The following ANO4 variants were observed in gnomAD, a reference collection of about 807,000 sequenced individuals.
ANO4 encodes anoctamin-4.
Under a neutral mutation model 141.9 loss-of-function variants are expected in ANO4, and 69 were observed. The ratio of observed to expected loss-of-function variants is 0.49; its 90% CI spans 0.40 to 0.59. ANO4 has a LOEUF of 0.59. ANO4 is among the 20% of genes least tolerant of loss of function. The pLI is 0.00. For synonymous variants in ANO4, 350 were observed against 394.3 expected, an observed-to-expected ratio of 0.89 and a Z score of 1.33; for missense variants, 894 against 1,162.2, an observed-to-expected ratio of 0.77 and a Z score of 3.36.
intron 3 of ANO4, among the ~76,000 whole-genome samples, chr12:100,748,141 A>G (rs895448318): frequency 2.2e-4 from 33 of 152,134 alleles, no homozygotes; most frequent in African/African-American, 4.6e-4. Flanking sequence ...TAGGTGCCCA[A>G]TGTTATGTTG....
chr12:101,003,838 T>A (rs1184490897), intron 8 of ANO4, among the ~76,000 whole-genome samples: 1 of 152,130 alleles, frequency 6.6e-6, no homozygotes. Context: ...ACCTAGCATA[T>A]TTTTAGAAAA....
intron 5 of ANO4, among the ~76,000 whole-genome samples, chr12:100,951,240 G>A (rs1482376720): frequency 6.6e-6 from 1 of 152,208 alleles, no homozygotes; most frequent in Non-Finnish European, 1.5e-5. Context: ...CTGCTGGTGG[G>A]AGTGTCAGTT....
chr12:100,771,123 G>T (rs965131002), intron 3 of ANO4, among the ~76,000 whole-genome samples: 6 of 152,110 alleles, frequency 3.9e-5, no homozygotes, highest in Non-Finnish European at 8.8e-5. Context: ...GAAGAGGAAC[G>T]GGTTAAATTG....
chr12:101,029,127 A>G (rs944753660), intron 9 of ANO4, among the ~76,000 whole-genome samples: 1 of 152,212 alleles, frequency 6.6e-6, no homozygotes, highest in African/African-American at 2.4e-5. Flanking sequence ...AGACAAGCAA[A>G]TGCTGAGGGA....
chr12:100,843,401 C>T (rs1028620327), intron 1 of ANO4, among the ~76,000 whole-genome samples: 1 of 152,108 alleles, frequency 6.6e-6, no homozygotes, highest in African/African-American at 2.4e-5. Flanking sequence ...TATTTCTAAT[C>T]TATACTCAGA....
At chr12:100,854,219 A>AT (rs1175262922) in intron 1 of ANO4, among the ~76,000 whole-genome samples, 1 of 152,098 alleles carries the variant, frequency 6.6e-6, no homozygotes, top group Admixed American at 6.5e-5. Flanking sequence ...CTTAGGAGAT[A>AT]TTTTTTCATC....
Position 100,948,013 on chromosome 12 carries a change from C to G in ANO4, c.456+5478C>G, listed in dbSNP as rs1327783920. On this transcript the variant is annotated intron_variant, in intron 5 of 27. Coordinates refer to ENST00000392977, the MANE Select transcript of ANO4 (RefSeq NM_001286615.2). ...CCTGGCTAACATGGTGAAACCCTGT[C>G]TTTACTAAAAATACAACAACAACAA... is the stretch of plus-strand genomic sequence containing the variant. Among the ~76,000 whole-genome samples, 6 of 152,038 alleles carry G rather than the reference C, an allele frequency of 3.9e-5. No homozygotes were observed. The East Asian group carries it at 1.2e-3, about 29-fold the overall frequency.
chr12:101,110,366 C>T (rs199559470), intron 22 of ANO4, 38 bp from the exon 23 acceptor site: 15 of 1,554,474 alleles, frequency 9.6e-6, no homozygotes, highest in East Asian at 2.3e-5. Context: ...TAATGGAAAA[C>T]CAATACTCTC....
chr12:100,955,480 C>A (rs1463068266), intron 5 of ANO4, among the ~76,000 whole-genome samples: 1 of 152,148 alleles, frequency 6.6e-6, no homozygotes, highest in African/African-American at 2.4e-5. Context: ...TACGACCTAG[C>A]CCTAGAAGCA....
chr12:101,105,492 ATGGT>A (rs908828886), intron 22 of ANO4, among the ~76,000 whole-genome samples: 2 of 152,230 alleles, frequency 1.3e-5, no homozygotes, highest in African/African-American at 2.4e-5. Flanking sequence ...AGAAAATCAG[ATGGT>A]TGGTCAAATT....
At chr12:100,845,928 A>T (rs1284745158) in intron 1 of ANO4, among the ~76,000 whole-genome samples, 8 of 152,204 alleles carry the variant, frequency 5.3e-5, no homozygotes, top group Non-Finnish European at 1.2e-4. Context: ...GAAGGAAAGA[A>T]CCTAGGACCT....
intron 1 of ANO4, among the ~76,000 whole-genome samples, chr12:100,723,141 G>A (rs1167518881): frequency 6.6e-6 from 1 of 152,130 alleles, no homozygotes; most frequent in Non-Finnish European, 1.5e-5. Flanking sequence ...AAATTTCTTT[G>A]TGGGGTAAAA....
upstream of ANO4, among the ~76,000 whole-genome samples, chr12:100,792,740 G>A (rs936642933): frequency 2.0e-5 from 3 of 152,204 alleles, no homozygotes; most frequent in African/African-American, 7.2e-5. Context: ...TTATAATGCT[G>A]TGTATTCAAG....
At chr12:100,958,965 T>C (rs1352482517) in intron 5 of ANO4, among the ~76,000 whole-genome samples, 1 of 152,216 alleles carries the variant, frequency 6.6e-6, no homozygotes, top group East Asian at 1.9e-4. Flanking sequence ...AAATAGGGTG[T>C]TGGGTGGGGG....
chr12:101,051,622 C>A (rs2047875422), intron 14 of ANO4, among the ~76,000 whole-genome samples: 1 of 152,188 alleles, frequency 6.6e-6, no homozygotes, highest in Non-Finnish European at 1.5e-5. Context: ...GTACTAAATG[C>A]AGTCCTAAGC....
At chr12:100,902,786 T>C (rs2040655990) in intron 2 of ANO4, among the ~76,000 whole-genome samples, 2 of 152,346 alleles carry the variant, frequency 1.3e-5, no homozygotes, top group South Asian at 4.1e-4. Context: ...TCTTTATGCA[T>C]CATTCCCCAC....
intron 1 of ANO4, among the ~76,000 whole-genome samples, chr12:100,885,023 C>T (rs756436299): frequency 2.1e-4 from 32 of 152,212 alleles, no homozygotes; most frequent in Non-Finnish European, 4.4e-4. Flanking sequence ...CCTAGGGCTG[C>T]CACATCCCTA....
At chr12:101,107,308 T>C (rs2050487811) in intron 22 of ANO4, among the ~76,000 whole-genome samples, 1 of 152,120 alleles carries the variant, frequency 6.6e-6, no homozygotes, top group African/African-American at 2.4e-5. Context: ...ACCCCTGTAG[T>C]GAGTATGTAG....
At chr12:100,992,713 GT>G (rs1048532548) in intron 8 of ANO4, among the ~76,000 whole-genome samples, 1 of 152,152 alleles carries the variant, frequency 6.6e-6, no homozygotes, top group African/African-American at 2.4e-5. Context: ...GGCCATATCT[GT>G]TTTTGCCCAT....
Sources: gnomAD v4.1 joint callset for allele counts (sites outside exome capture counted in the v4.1 genomes callset) on GRCh38, gnomAD v4.1.1 for gene constraint, MANE v1.5 for transcripts, NCBI Gene and HGNC (gene_info 2026-07-23, HGNC 2026-07-21) for gene names.